GRIK4: variants seen among roughly 807,000 people sequenced by gnomAD.
The protein encoded by GRIK4 is glutamate ionotropic receptor kainate type subunit 4.
Under a neutral mutation model 104.9 loss-of-function variants are expected in GRIK4, and 40 were observed. The ratio of observed to expected loss-of-function variants is 0.38; its 90% CI spans 0.30 to 0.50. GRIK4 has a LOEUF of 0.50. GRIK4 is among the 20% of genes least tolerant of loss of function. The pLI, the probability that GRIK4 is intolerant of heterozygous loss-of-function variation, is 0.93. For missense variants in GRIK4, 1,047 were observed against 1,308.1 expected, an observed-to-expected ratio of 0.80 and a Z score of 3.08; for synonymous variants, 485 against 524.9, an observed-to-expected ratio of 0.92 and a Z score of 1.04.
At chr11:120,890,258 G>A (rs114610791) in intron 11 of GRIK4, among the ~76,000 whole-genome samples, 1 of 152,174 alleles carries the variant, frequency 6.6e-6, no homozygotes, top group Admixed American at 6.5e-5. Flanking sequence ...GATGGAGAAG[G>A]TTCAGAGAGG....
At chr11:120,620,313 G>T (rs961504034) in intron 1 of GRIK4, 22 of 659,296 alleles carry the variant, frequency 3.3e-5, no homozygotes, top group Non-Finnish European at 6.0e-5. Context: ...AGGAACTTTA[G>T]TAGTTTCCCA....
intron 19 of GRIK4, among the ~76,000 whole-genome samples, chr11:120,976,369 CT>C (rs1944560958): frequency 6.6e-6 from 1 of 152,122 alleles, no homozygotes; most frequent in Admixed American, 6.5e-5. Context: ...CACCAGATGC[CT>C]TGGTGAATAC....
intron 3 of GRIK4, among the ~76,000 whole-genome samples, chr11:120,698,056 TC>T (rs1950484886): frequency 5.3e-5 from 8 of 151,932 alleles, no homozygotes; most frequent in Admixed American, 5.2e-4. Context: ...CCAAGAGGTG[TC>T]CCCCCTGGCT....
intron 19 of GRIK4, among the ~76,000 whole-genome samples, chr11:120,969,828 G>A (rs1944445401): frequency 6.6e-6 from 1 of 152,154 alleles, no homozygotes; most frequent in Non-Finnish European, 1.5e-5. Flanking sequence ...TCCTCTGATT[G>A]ATAAGTGAAA....
At position 120,987,099 on chromosome 11, in the gene GRIK4, T is replaced by A. The variant is rs1944767846; in HGVS notation, c.*839T>A. The A allele has an allele frequency of 6.6e-6, 1 of 152,288 alleles. No individual in the cohort carries two copies. The highest frequency in any genetic ancestry group is 6.5e-5 in the Admixed American group (1 of 15,294). 9.4% of individuals were successfully genotyped at this position (152,288 alleles called of 1,614,324 possible). A position where few individuals can be genotyped will look rare whatever the true frequency, so the allele number is the denominator to read the frequency against. On this transcript the variant is annotated 3_prime_UTR_variant, in exon 21 of 21. Coordinates refer to ENST00000527524, the MANE Select transcript of GRIK4 (RefSeq NM_014619.5). ...TTAATCTGTCTTTTCTTTCCCTTTC[T>A]CTTTCTGACTGTCACTATTACTGGG... is the stretch of plus-strand genomic sequence containing the variant.
chr11:120,911,177 C>A (rs1400609083), intron 13 of GRIK4, among the ~76,000 whole-genome samples: 1 of 151,362 alleles, frequency 6.6e-6, no homozygotes, highest in African/African-American at 2.4e-5. Context: ...TTCACTGTTG[C>A]AAGAGATGGT....
intron 3 of GRIK4, among the ~76,000 whole-genome samples, chr11:120,761,612 A>C (rs1373948489): frequency 6.6e-6 from 1 of 152,060 alleles, no homozygotes; most frequent in East Asian, 1.9e-4. Context: ...ATTCATCTTG[A>C]GTTAATTTTT....
chr11:120,578,547 C>T lies in GRIK4; in HGVS notation c.-159+66660C>T, dbSNP rs118015053. ...AAGCTTCTAGAACATACAGGGCATC[C>T]AGTAAGTCCATGTTCCACCTTCCCT... On this transcript the variant is annotated intron_variant, in intron 1 of 20. Transcript: ENST00000527524. 4.7e-4 allele frequency among the ~76,000 whole-genome samples: 72 copies of T among 152,344 alleles called. 1 individual carries two copies. The East Asian group carries it at 0.013, about 27-fold the overall frequency.
chr11:120,566,211 C>G (rs1427796642), intron 1 of GRIK4, among the ~76,000 whole-genome samples: 1 of 152,198 alleles, frequency 6.6e-6, no homozygotes, highest in Non-Finnish European at 1.5e-5. Flanking sequence ...ACAGTTGTAG[C>G]TCTATGAGCT....
Position 120,676,355 on chromosome 11 carries a change from G to A in GRIK4, c.82+15955G>A, listed in dbSNP as rs1231486622. Among the ~76,000 whole-genome samples the A allele has an allele frequency of 4.6e-5, 7 of 152,152 alleles. No individual in the cohort carries two copies. The East Asian group carries it at 9.6e-4, about 21-fold the overall frequency. On this transcript the variant is annotated intron_variant, in intron 3 of 20. Transcript: ENST00000527524. ...ACATTTGCAAAGCTCCTTTTGCCAC[G>A]TGTCTTAGTCCATTTTGTGTTGCTG...
At chr11:120,767,762 A>T (rs779852346) in intron 3 of GRIK4, among the ~76,000 whole-genome samples, 1 of 152,128 alleles carries the variant, frequency 6.6e-6, no homozygotes, top group Non-Finnish European at 1.5e-5. Context: ...ATTCATTTGC[A>T]TGTGGAAATC....
chr11:120,967,161 A>T lies in GRIK4; in HGVS notation c.2267-34A>T. On this transcript the variant is annotated intron_variant, in intron 18 of 20. Transcript: ENST00000527524. The surrounding 1 kb of genome is among the most constrained non-coding windows in gnomAD (Gnocchi z 4.2). ...AGTGACACCTAACAGGGCATTCACA[A>T]CCTGTGTCCTGGGCTCTCCCGTAAC... is the stretch of plus-strand genomic sequence containing the variant. The T allele has an allele frequency of 6.3e-7, 1 of 1,594,972 alleles. No homozygotes were observed. Among genetic ancestry groups the T allele is most frequent in the Non-Finnish European group, 8.5e-7 (1 of 1,170,564 alleles).
intron 1 of GRIK4, among the ~76,000 whole-genome samples, chr11:120,621,283 T>A (rs1427173803): frequency 6.6e-6 from 1 of 152,156 alleles, no homozygotes; most frequent in African/African-American, 2.4e-5. Context: ...TTTTCTCCAA[T>A]CAGCTGAGTG....
intron 3 of GRIK4, among the ~76,000 whole-genome samples, chr11:120,672,991 C>T (rs1161393808): frequency 6.6e-6 from 1 of 152,220 alleles, no homozygotes; most frequent in East Asian, 1.9e-4. Context: ...AGAGGGCATA[C>T]CTGTCTTGTG....
chr11:120,582,590 T>G (rs910635876), intron 1 of GRIK4, among the ~76,000 whole-genome samples: 1 of 152,216 alleles, frequency 6.6e-6, no homozygotes, highest in African/African-American at 2.4e-5. Context: ...CACCCACTTA[T>G]AAGTAAGAAC....
rs1944051302 is a variant in GRIK4 at position 120,953,256 on chromosome 11, C to T, written c.1700+292C>T. Reference sequence around the variant, plus strand: ...CTTCTCCCCAGACCCCCACCTAAGCCCCTTGCTTGTGTAGGAGCCCTGGGA... The same window carrying T: ...CTTCTCCCCAGACCCCCACCTAAGCTCCTTGCTTGTGTAGGAGCCCTGGGA... On this transcript the variant is annotated intron_variant, in intron 15 of 20. Transcript: ENST00000527524. The surrounding 1 kb of genome is among the most constrained non-coding windows in gnomAD (Gnocchi z 4.9). 6.6e-6 allele frequency among the ~76,000 whole-genome samples: 1 copy of T among 152,152 alleles called. No individual in the cohort carries two copies. The highest frequency in any genetic ancestry group is 1.5e-5 in the Non-Finnish European group (1 of 68,038).
At chr11:120,813,602 T>C (rs1952873034) in intron 4 of GRIK4, among the ~76,000 whole-genome samples, 4 of 152,164 alleles carry the variant, frequency 2.6e-5, no homozygotes, top group African/African-American at 9.7e-5. Context: ...AGATCTATAG[T>C]TCATATGGTA....
In GRIK4 at chr11:120,962,846, AAC is replaced by A. The variant is rs1462916147; in HGVS notation, c.2266+171_2266+172del. 1.3e-5 allele frequency: 7 copies of A among 544,234 alleles called. No homozygotes were observed. The African/African-American group carries it at 1.3e-4, about 10-fold the overall frequency. The allele number at this position is 544,234 out of a possible 1,614,324, so 33.7% of individuals were successfully genotyped here. On this transcript the variant is annotated intron_variant, in intron 18 of 20. Coordinates refer to ENST00000527524, the MANE Select transcript of GRIK4 (RefSeq NM_014619.5). ...AAGTTTTTTTTTTTTTTTTAAAGCA[AAC>A]ACACATATTTCCTTTAATCAACGAC...
intron 12 of GRIK4, among the ~76,000 whole-genome samples, chr11:120,901,586 T>C (rs1053551075): frequency 3.3e-5 from 5 of 152,284 alleles, no homozygotes; most frequent in South Asian, 4.2e-4. Context: ...TGAGAGCTCC[T>C]CGAAGGTAGA....
Sources: gnomAD v4.1 joint callset for allele counts (sites outside exome capture counted in the v4.1 genomes callset) on GRCh38, gnomAD v4.1.1 for gene constraint, Gnocchi (gnomAD v3.1) non-coding constraint, MANE v1.5 for transcripts, NCBI Gene and HGNC (gene_info 2026-07-23, HGNC 2026-07-21) for gene names.